COL4A5: variants seen among roughly 807,000 people sequenced by gnomAD.
The protein encoded by COL4A5 is collagen type IV alpha 5 chain, also known as collagen alpha-5(IV) chain.
A neutral mutation model predicts 130.2 loss-of-function variants in COL4A5; 26 were observed. The ratio of observed to expected loss-of-function variants is 0.20; its 90% CI spans 0.15 to 0.28. The LOEUF (loss-of-function observed/expected upper bound fraction) is 0.28, where lower values mean the gene tolerates loss of function less well. COL4A5 is among the 10% of genes least tolerant of loss of function. The pLI is 1.00. For missense variants in COL4A5, 1,131 were observed against 1,344.3 expected (o/e 0.84, Z 2.48); for synonymous variants, 496 against 439.6 (o/e 1.13, Z -1.60).
chrX:108,467,872 A>T (rs2147501912), intron 1 of COL4A5, among the ~76,000 whole-genome samples: 1 of 111,561 alleles, frequency 9.0e-6, no homozygotes, highest in African/African-American at 3.3e-5. Flanking sequence ...TGCTGAATTT[A>T]TTAGCTTTAG....
intron 3 of COL4A5, among the ~76,000 whole-genome samples, chrX:108,560,103 A>G (rs771001194): frequency 8.9e-6 from 1 of 111,975 alleles, no homozygotes; most frequent in African/African-American, 3.2e-5. Flanking sequence ...AAACAGGATA[A>G]TATCTGAGGC....
intron 2 of COL4A5, among the ~76,000 whole-genome samples, chrX:108,542,976 A>T (rs7065835): frequency 0.22 from 23,626 of 108,470 alleles, 2,446 homozygotes; most frequent in East Asian, 0.57. Context: ...TCTTGTAAAT[A>T]TGTTTGAGTT....
chrX:108,685,762 A>G (rs2068530858), intron 47 of COL4A5, among the ~76,000 whole-genome samples: 1 of 112,633 alleles, frequency 8.9e-6, no homozygotes. Context: ...ATAGAAAACG[A>G]AAGTTGGGAC....
At chrX:108,557,025 A>C (rs1197306251) in intron 2 of COL4A5, among the ~76,000 whole-genome samples, 4 of 111,469 alleles carry the variant, frequency 3.6e-5, no homozygotes, top group African/African-American at 1.3e-4. Context: ...CTCCACTTAA[A>C]ATTTTTAGCT....
chrX:108,497,511 G>A (rs1168502396), intron 1 of COL4A5, among the ~76,000 whole-genome samples: 1 of 111,295 alleles, frequency 9.0e-6, no homozygotes, highest in Non-Finnish European at 1.9e-5. Context: ...CCTGGAGAAG[G>A]CTGTTAGAGA....
intron 36 of COL4A5, among the ~76,000 whole-genome samples, chrX:108,644,704 A>G (rs1280624853): frequency 1.8e-5 from 2 of 111,299 alleles, no homozygotes; most frequent in African/African-American, 3.3e-5. Context: ...GTTTGAGACT[A>G]GCCTGGCCAA....
rs773513385 is a variant in COL4A5 at position 108,601,592 on chromosome X, T to C, written c.2041+107T>C. On this transcript the variant is annotated intron_variant, in intron 26 of 52. Transcript: ENST00000328300. The stretch of plus-strand genomic sequence containing the variant: ...CCCATGCTGGAGTACAGTGGCGTGA[T>C]GTTGGCTTGCTGCAGCAACCTCCTA... 31 of 572,819 alleles carry C rather than the reference T, an allele frequency of 5.4e-5. No homozygotes were observed. The African/African-American group carries it at 5.8e-4, about 11-fold the overall frequency. 47.2% of individuals were successfully genotyped at this position (572,819 alleles called of 1,213,427 possible). A position where few individuals can be genotyped will look rare whatever the true frequency, so the allele number is the denominator to read the frequency against.
intron 4 of COL4A5, among the ~76,000 whole-genome samples, chrX:108,565,825 TG>T (rs2065958958): frequency 9.0e-6 from 1 of 111,629 alleles, no homozygotes; most frequent in East Asian, 2.8e-4. Flanking sequence ...AAGAACTTTC[TG>T]GGGGTACAGA....
chrX:108,494,040 T>C (rs2065014672), intron 1 of COL4A5, among the ~76,000 whole-genome samples: 1 of 111,720 alleles, frequency 9.0e-6, no homozygotes, highest in East Asian at 2.8e-4. Context: ...AGAAAATAGA[T>C]TGCAACTATT....
rs757680385 is a variant in COL4A5 at position 108,551,775 on chromosome X, C to A, written c.142-7289C>A. Among the ~76,000 whole-genome samples, 4 of 111,902 alleles carry A rather than the reference C, an allele frequency of 3.6e-5. No individual in the cohort carries two copies. The South Asian group carries it at 1.5e-3, about 42-fold the overall frequency. On this transcript the variant is annotated intron_variant, in intron 2 of 52. Coordinates refer to ENST00000328300, the MANE Select transcript of COL4A5 (RefSeq NM_033380.3). ...GACACGTGCACTCATATGTTCATCA[C>A]AGCACTATTCACAATAGCAAAGATG... is the stretch of plus-strand genomic sequence containing the variant.
intron 50 of COL4A5, 76 bp downstream of exon 50, chrX:108,693,001 A>C: frequency 2.8e-6 from 3 of 1,073,081 alleles, no homozygotes; most frequent in Non-Finnish European, 2.6e-6. Flanking sequence ...CAAAGCTAAC[A>C]ATCTGATGAT....
At chrX:108,682,149 CAT>C (rs1444972268) in intron 47 of COL4A5, among the ~76,000 whole-genome samples, 3 of 111,185 alleles carry the variant, frequency 2.7e-5, no homozygotes, top group African/African-American at 6.5e-5. Flanking sequence ...TGAGTGAAAA[CAT>C]GTGGTGTTTG....
Position 108,620,324 on chromosome X carries a change from C to G in COL4A5, c.2575C>G (p.Pro859Ala). ...GPPGLDVPGP[P>A]GERGSPGIPG... ...TCCTGGACTTGATGTTCCAGGACCC[C>G]CAGGTGAAAGAGGCAGTCCAGGGAT... Residue 859 changes from proline (P) to alanine (A), a missense_variant, in exon 31 of 53, where the codon CCA (proline) becomes GCA (alanine). Transcript: ENST00000328300. 1.7e-6 allele frequency: 2 copies of G among 1,209,418 alleles called. No individual in the cohort carries two copies. Among genetic ancestry groups the G allele is most frequent in the Non-Finnish European group, 2.2e-6 (2 of 893,877 alleles).
intron 46 of COL4A5, 119 bp from the exon 47 acceptor site, chrX:108,681,641 G>A (rs1429499767): frequency 1.3e-6 from 1 of 792,212 alleles, no homozygotes; most frequent in Non-Finnish European, 1.9e-6. Context: ...GTTAGATATG[G>A]CAGCAATTCA....
chrX:108,543,925 A>G (rs190712338), intron 2 of COL4A5, among the ~76,000 whole-genome samples: 12 of 111,828 alleles, frequency 1.1e-4, no homozygotes, highest in Admixed American at 8.5e-4. Flanking sequence ...TTACTGGTGT[A>G]TAAGAAGGCT....
At chrX:108,606,535 CTAATT>C (rs1008185750) in intron 28 of COL4A5, among the ~76,000 whole-genome samples, 2 of 110,131 alleles carry the variant, frequency 1.8e-5, no homozygotes, top group African/African-American at 6.6e-5. Flanking sequence ...TCCAAATCAT[CTAATT>C]TGTTTTACTA....
intron 29 of COL4A5, among the ~76,000 whole-genome samples, chrX:108,607,142 G>A (rs1169681814): frequency 2.7e-5 from 3 of 110,217 alleles, no homozygotes; most frequent in Admixed American, 1.9e-4. Context: ...CAAGGTGGGC[G>A]GATCACCTGA....
intron 37 of COL4A5, among the ~76,000 whole-genome samples, chrX:108,656,932 A>G (rs2067854152): frequency 9.0e-6 from 1 of 111,473 alleles, no homozygotes; most frequent in African/African-American, 3.3e-5. Context: ...CATATATTGC[A>G]AATCTATTCT....
At chrX:108,462,403 T>C (rs1484079607) in intron 1 of COL4A5, 1 of 112,035 alleles carries the variant, frequency 8.9e-6, no homozygotes, top group Non-Finnish European at 1.9e-5. Flanking sequence ...TAGGGTTATT[T>C]TATTTTATTT....
Sources: allele counts gnomAD v4.1 joint callset (sites outside exome capture counted in the v4.1 genomes callset), GRCh38; gene constraint gnomAD v4.1.1; transcripts MANE v1.5; gene names NCBI Gene and HGNC (gene_info 2026-07-23, HGNC 2026-07-21).